Variants in DHRSX observed in about 807,000 individuals in gnomAD.
The protein encoded by DHRSX is dehydrogenase/reductase X-linked, also known as polyprenol dehydrogenase.
In DHRSX, 31 loss-of-function variants were observed where a neutral mutation model predicts 34.0. The ratio of observed to expected loss-of-function variants is 0.91; its 90% CI spans 0.69 to 1.23. The LOEUF (loss-of-function observed/expected upper bound fraction) is 1.23, where lower values mean the gene tolerates loss of function less well. Ranked by LOEUF, DHRSX falls within the 50% of genes most tolerant of loss-of-function variation. DHRSX has a pLI of 0.00. For missense variants in DHRSX, 414 were observed against 428.1 expected, an observed-to-expected ratio of 0.97 and a Z score of 0.29; for synonymous variants, 201 against 183.8, an observed-to-expected ratio of 1.09 and a Z score of -0.76.
At chrX:2,322,185 T>C (rs977083717) in intron 3 of DHRSX, among the ~76,000 whole-genome samples, 1 of 150,188 alleles carries the variant, frequency 6.7e-6, no homozygotes, top group African/African-American at 2.4e-5. Context: ...TGTGTCCTCA[T>C]AGCTTAGCTC....
At chrX:2,411,686 C>T (rs1420906275) in intron 2 of DHRSX, among the ~76,000 whole-genome samples, 1 of 151,618 alleles carries the variant, frequency 6.6e-6, no homozygotes, top group Non-Finnish European at 1.5e-5. Flanking sequence ...GAGATTGCGC[C>T]ACTGCACTCC....
At chrX:2,475,819 G>A (rs1434701262) in intron 1 of DHRSX, among the ~76,000 whole-genome samples, 3 of 152,188 alleles carry the variant, frequency 2.0e-5, no homozygotes, top group African/African-American at 7.2e-5. Context: ...ACAGCTGTGG[G>A]AAAATGAGGC....
chrX:2,387,411 G>C (rs1190410011), intron 3 of DHRSX, among the ~76,000 whole-genome samples: 1 of 152,110 alleles, frequency 6.6e-6, no homozygotes, highest in Non-Finnish European at 1.5e-5. Context: ...TCCCACAATA[G>C]ACTGTCTGCA....
intron 1 of DHRSX, chrX:2,489,666 A>T: frequency 6.2e-7 from 1 of 1,612,346 alleles, no homozygotes; most frequent in South Asian, 1.1e-5. Flanking sequence ...CCCCACCAGG[A>T]GACGCGGTTG....
chrX:2,232,149 CCT>C (rs749139457), intron 6 of DHRSX, among the ~76,000 whole-genome samples: 16 of 151,460 alleles, frequency 1.1e-4, no homozygotes, highest in Admixed American at 3.3e-4. Context: ...TCTTTCTCCT[CCT>C]CTCTCTCTGC....
chrX:2,313,853 A>G (rs969760199), intron 3 of DHRSX, among the ~76,000 whole-genome samples: 2 of 152,122 alleles, frequency 1.3e-5, no homozygotes, highest in Non-Finnish European at 2.9e-5. Flanking sequence ...CATCAATCAA[A>G]TACATTTCAG....
In DHRSX at chrX:2,231,957, T is replaced by C. The variant is rs557886943; in HGVS notation, c.805-10728A>G. 3.3e-4 allele frequency among the ~76,000 whole-genome samples: 15 copies of C among 45,382 alleles called. No homozygotes were observed. In the East Asian group the frequency reaches 5.8e-3, roughly 17 times the overall value. The allele number at this position is 45,382 out of a possible 152,430, so 29.8% of individuals were successfully genotyped here. On this transcript the variant is annotated intron_variant, in intron 6 of 6. Transcript: ENST00000334651. ...CTTCCTCTTCTCTCCTCCTTCTCTT[T>C]TCTTTCTGCCCTTCTTTCCTTTTCT...
At chrX:2,334,170 C>CCTTTTTTTTTTTTTTT (rs1556478486) in intron 3 of DHRSX, 1 of 105,112 alleles carries the variant, frequency 9.5e-6, no homozygotes, top group African/African-American at 4.1e-5. Flanking sequence ...CAAAAGTATG[C>CCTTTTTTTTTTTTTTT]TTTTTTTTTT....
intron 1 of DHRSX, among the ~76,000 whole-genome samples, chrX:2,426,065 G>C (rs941465075): frequency 2.2e-4 from 34 of 152,204 alleles, no homozygotes; most frequent in African/African-American, 8.2e-4. Context: ...ATTCTGGATT[G>C]ATGGGTTTGC....
intron 3 of DHRSX, among the ~76,000 whole-genome samples, chrX:2,317,959 G>C (rs1031566686): frequency 6.6e-6 from 1 of 152,056 alleles, no homozygotes; most frequent in Admixed American, 6.6e-5. Context: ...AGATTTTGGA[G>C]CCCACAAGAA....
In DHRSX at chrX:2,219,698, G is replaced by A. The variant is rs2015482745; in HGVS notation, c.*1343C>T. On this transcript the variant is annotated 3_prime_UTR_variant, in exon 7 of 7. Coordinates refer to ENST00000334651, the MANE Select transcript of DHRSX (RefSeq NM_145177.3). ...ACAGGCATGCCAGGAGCCTGGATTTGAATAGTCAGTGGGATTTTGTCACTT... is the reference window on the plus strand; with the variant it reads ...ACAGGCATGCCAGGAGCCTGGATTTAAATAGTCAGTGGGATTTTGTCACTT... The A allele has an allele frequency of 6.6e-6, 1 of 152,186 alleles. No homozygotes were observed. The highest frequency in any genetic ancestry group is 2.1e-4 in the South Asian group (1 of 4,826). The allele number at this position is 152,186 out of a possible 1,614,324, so 9.4% of individuals were successfully genotyped here.
At chrX:2,398,144 G>A (rs779005544) in intron 3 of DHRSX, among the ~76,000 whole-genome samples, 3 of 152,276 alleles carry the variant, frequency 2.0e-5, no homozygotes, top group Admixed American at 6.5e-5. Flanking sequence ...CAGGGATTAA[G>A]GAGCTCATGG....
intron 1 of DHRSX, chrX:2,487,698 G>C (rs906454353): frequency 8.6e-4 from 131 of 152,218 alleles, no homozygotes; most frequent in African/African-American, 2.8e-3. Context: ...CTCTCTGGCA[G>C]CAACCTGTCG....
intron 3 of DHRSX, among the ~76,000 whole-genome samples, chrX:2,352,227 T>C (rs781288531): frequency 6.6e-6 from 1 of 151,838 alleles, no homozygotes; most frequent in Admixed American, 6.6e-5. Flanking sequence ...GGAAAATAAA[T>C]GGTATCCCAA....
At chrX:2,383,787 T>G (rs961792960) in intron 3 of DHRSX, among the ~76,000 whole-genome samples, 7 of 152,172 alleles carry the variant, frequency 4.6e-5, no homozygotes, top group Non-Finnish European at 8.8e-5. Context: ...GCACCTGGCT[T>G]CAGGACAACT....
chrX:2,443,128 G>A (rs1382395482), intron 1 of DHRSX, among the ~76,000 whole-genome samples: 1 of 152,214 alleles, frequency 6.6e-6, no homozygotes, highest in Admixed American at 6.6e-5. Flanking sequence ...CACCTCCTGG[G>A]CTCCAGTGAT....
intron 6 of DHRSX, among the ~76,000 whole-genome samples, chrX:2,242,263 C>A (rs2016157943): frequency 6.6e-6 from 1 of 152,114 alleles, no homozygotes; most frequent in African/African-American, 2.4e-5. Flanking sequence ...CCACAGCATC[C>A]CCAAACGGTC....
At chrX:2,298,829 T>C (rs1263463800) in intron 3 of DHRSX, among the ~76,000 whole-genome samples, 2 of 151,490 alleles carry the variant, frequency 1.3e-5, no homozygotes, top group South Asian at 4.2e-4. Context: ...CTACTAAAAA[T>C]ACAAAATTAG....
At chrX:2,478,142 G>A (rs1194373029) in intron 1 of DHRSX, among the ~76,000 whole-genome samples, 4 of 152,184 alleles carry the variant, frequency 2.6e-5, no homozygotes, top group East Asian at 1.9e-4. Context: ...GGTATCAAAC[G>A]TGTAGGGGAA....
Sources: allele counts gnomAD v4.1 joint callset (sites outside exome capture counted in the v4.1 genomes callset), GRCh38; gene constraint gnomAD v4.1.1; transcripts MANE v1.5; gene names NCBI Gene and HGNC (gene_info 2026-07-23, HGNC 2026-07-21).